SLC38A11: variants seen among roughly 807,000 people sequenced by gnomAD.
SLC38A11 encodes the protein putative sodium-coupled neutral amino acid transporter 11.
SLC38A11 carries 51 observed loss-of-function variants against 49.4 expected under a neutral mutation model. The observed-to-expected ratio is 1.03, with a 90% CI of 0.83 to 1.30. The LOEUF (loss-of-function observed/expected upper bound fraction) is 1.30. SLC38A11 is among the 50% of genes most tolerant of loss of function. SLC38A11 has a pLI of 0.00. For missense variants in SLC38A11, 574 were observed against 556.2 expected, an observed-to-expected ratio of 1.03 and a Z score of -0.32; for synonymous variants, 203 against 192.9, an observed-to-expected ratio of 1.05 and a Z score of -0.43.
intron 1 of SLC38A11, 124 bp downstream of exon 1, chr2:164,955,085 T>A (rs1688761692): frequency 2.3e-6 from 2 of 871,322 alleles, no homozygotes; most frequent in East Asian, 5.4e-5. Flanking sequence ...AAACTTTTTG[T>A]CCCAGAGAAC....
Position 164,915,886 on chromosome 2 carries a change from T to C in SLC38A11, c.688+17A>G, listed in dbSNP as rs779712827. On this transcript the variant is annotated intron_variant, in intron 8 of 11. Coordinates refer to ENST00000685975, the MANE Select transcript of SLC38A11 (RefSeq NM_001351537.2). Reference sequence around the variant, plus strand: ...GAACTCCACATTGAGAAAGGGCCTTTGAAACCAAATACTCACCAAAAGACA... The same window carrying C: ...GAACTCCACATTGAGAAAGGGCCTTCGAAACCAAATACTCACCAAAAGACA... The C allele has an allele frequency of 1.9e-6, 3 of 1,584,926 alleles. No individual in the cohort carries two copies. The highest frequency in any genetic ancestry group is 2.2e-5 in the East Asian group (1 of 44,458).
chr2:164,929,236 TGTA>T (rs1686814348), intron 7 of SLC38A11, among the ~76,000 whole-genome samples: 1 of 152,150 alleles, frequency 6.6e-6, no homozygotes, highest in South Asian at 2.1e-4. Flanking sequence ...AGTGGACATA[TGTA>T]GTTTGCACCC....
chr2:164,908,218 A>C (rs1175286390), intron 11 of SLC38A11: 1 of 152,264 alleles, frequency 6.6e-6, no homozygotes, highest in Non-Finnish European at 1.5e-5. Context: ...GTCCAAATCC[A>C]CTTAATTTAT....
At position 164,898,638 on chromosome 2, in the gene SLC38A11, A is replaced by T; in HGVS notation, c.1188T>A (p.Ile396=). 6.2e-7 allele frequency: 1 copy of T among 1,613,546 alleles called. No homozygotes were observed. The highest frequency in any genetic ancestry group is 8.5e-7 in the Non-Finnish European group (1 of 1,179,694). Reference sequence around the variant, plus strand: ...CAATGGGAAGCATGACACAAGACATAATCTTATCGGAGTGTGTCCTTGGTT... The same window carrying T: ...CAATGGGAAGCATGACACAAGACATTATCTTATCGGAGTGTGTCCTTGGTT... ...SEEPRTHSDK[I]MSCVMLPIGA... The change falls in exon 12 of 12, where the codon ATT becomes ATA. Residue 396 remains isoleucine (I), a synonymous_variant. Coordinates refer to ENST00000685975, the MANE Select transcript of SLC38A11 (RefSeq NM_001351537.2).
At chr2:164,911,254 G>C (rs1445724269) in intron 10 of SLC38A11, among the ~76,000 whole-genome samples, 1 of 151,994 alleles carries the variant, frequency 6.6e-6, no homozygotes, top group Non-Finnish European at 1.5e-5. Flanking sequence ...CAAAAAGACA[G>C]TTTTGTAAAA....
chr2:164,943,464 G>A (rs760236369), intron 5 of SLC38A11, among the ~76,000 whole-genome samples: 2 of 152,146 alleles, frequency 1.3e-5, no homozygotes, highest in Admixed American at 6.5e-5. Context: ...AATCTCAAAT[G>A]CACCTTTCTA....
chr2:164,899,854 T>C (rs962985523), intron 11 of SLC38A11, among the ~76,000 whole-genome samples: 4 of 152,092 alleles, frequency 2.6e-5, no homozygotes, highest in Non-Finnish European at 4.4e-5. Context: ...AATTTATAAA[T>C]TACAGCCCTC....
chr2:164,909,787 G>T (rs1685269914), intron 10 of SLC38A11, among the ~76,000 whole-genome samples: 1 of 152,014 alleles, frequency 6.6e-6, no homozygotes, highest in South Asian at 2.1e-4. Flanking sequence ...CAGAAGGTCA[G>T]ATATTGAGGT....
At position 164,915,141 on chromosome 2, in the gene SLC38A11, C is replaced by G; in HGVS notation, c.821G>C (p.Gly274Ala). 1 of 1,609,092 alleles carries G rather than the reference C, an allele frequency of 6.2e-7. No individual in the cohort carries two copies. Among genetic ancestry groups the G allele is most frequent in the Non-Finnish European group, 8.5e-7 (1 of 1,177,982 alleles). ...VFICIFFATC[G>A]YLTFTGFTQG... is the part of the protein sequence containing the mutation. ...GGTGAAGCCAGTAAATGTCAAGTAT[C>G]CACATGTAGCAAAGAATATACAGAT... The change falls in exon 9 of 12, where the codon GGA becomes GCA. Residue 274 changes from glycine (G) to alanine (A), a missense_variant. Coordinates refer to ENST00000685975, the MANE Select transcript of SLC38A11 (RefSeq NM_001351537.2).
chr2:164,931,722 G>A lies in SLC38A11; in HGVS notation c.617+5628C>T, dbSNP rs371712899. ...TCCTGGGATAACTAGCTAGCCAAAC[G>A]CAGAAGATTGAAACTGGACCCCTTC... On this transcript the variant is annotated intron_variant, in intron 7 of 11. Transcript: ENST00000685975. 1.1e-4 allele frequency among the ~76,000 whole-genome samples: 17 copies of A among 152,184 alleles called. No individual in the cohort carries two copies. The South Asian group carries it at 1.7e-3, about 15-fold the overall frequency.
At position 164,896,351 on chromosome 2, in the gene SLC38A11, T is replaced by G. The variant is rs1418385266; in HGVS notation, c.*2086A>C. On this transcript the variant is annotated 3_prime_UTR_variant, in exon 12 of 12. Coordinates refer to ENST00000685975, the MANE Select transcript of SLC38A11 (RefSeq NM_001351537.2). The stretch of plus-strand genomic sequence containing the variant: ...GCTCAGTTCCTACCAGGAGCTTTCA[T>G]CTACTTGAAGAGTATGAAGCAACAC... 1.3e-5 allele frequency: 2 copies of G among 152,168 alleles called. No individual in the cohort carries two copies. The highest frequency in any genetic ancestry group is 2.9e-5 in the Non-Finnish European group (2 of 68,018). The allele number at this position is 152,168 out of a possible 1,614,324, so 9.4% of individuals were successfully genotyped here.
At chr2:164,923,675 T>C (rs968057668) in intron 7 of SLC38A11, among the ~76,000 whole-genome samples, 1 of 152,010 alleles carries the variant, frequency 6.6e-6, no homozygotes, top group Non-Finnish European at 1.5e-5. Context: ...TGCACACCTG[T>C]AGTCCCAGTT....
intron 7 of SLC38A11, among the ~76,000 whole-genome samples, chr2:164,934,866 A>G (rs1203592001): frequency 6.6e-6 from 1 of 152,176 alleles, no homozygotes; most frequent in Non-Finnish European, 1.5e-5. Context: ...AGCTGAATAC[A>G]GTACCAACAT....
chr2:164,899,498 C>A (rs1684517762), intron 11 of SLC38A11, among the ~76,000 whole-genome samples: 1 of 152,024 alleles, frequency 6.6e-6, no homozygotes, highest in African/African-American at 2.4e-5. Flanking sequence ...TTGAATAGGA[C>A]TAATTCGCAA....
intron 7 of SLC38A11, among the ~76,000 whole-genome samples, chr2:164,927,202 G>A (rs1230482583): frequency 6.6e-6 from 1 of 152,100 alleles, no homozygotes; most frequent in Non-Finnish European, 1.5e-5. Context: ...AGAGTTCAAG[G>A]TGTCATCTTG....
chr2:164,942,685 C>T (rs751780114), intron 5 of SLC38A11, among the ~76,000 whole-genome samples: 61 of 152,084 alleles, frequency 4.0e-4, no homozygotes, highest in Non-Finnish European at 8.2e-4. Context: ...GCATTCTACC[C>T]ACTCGTGTGG....
chr2:164,915,007 A>G (rs940406395), intron 9 of SLC38A11, 105 bp downstream of exon 9: 7 of 1,045,126 alleles, frequency 6.7e-6, no homozygotes, highest in Admixed American at 3.0e-5. Context: ...GAAGAGAGTA[A>G]TCTTTGAAAT....
intron 7 of SLC38A11, among the ~76,000 whole-genome samples, chr2:164,926,651 G>A (rs989743503): frequency 6.6e-6 from 1 of 151,984 alleles, no homozygotes; most frequent in Non-Finnish European, 1.5e-5. Context: ...AAGAAAATGA[G>A]GCACATATAC....
chr2:164,925,960 A>G (rs1451210932), intron 7 of SLC38A11, among the ~76,000 whole-genome samples: 1 of 151,996 alleles, frequency 6.6e-6, no homozygotes, highest in Admixed American at 6.6e-5. Context: ...ACCCTAGGTA[A>G]CTCCTGTACC....
Sources: gnomAD v4.1 joint callset for allele counts (sites outside exome capture counted in the v4.1 genomes callset) on GRCh38, gnomAD v4.1.1 for gene constraint, MANE v1.5 for transcripts, NCBI Gene and HGNC (gene_info 2026-07-23, HGNC 2026-07-21) for gene names.